The following TENM4 variants were observed in gnomAD, a reference collection of about 807,000 sequenced individuals.
TENM4 encodes the protein teneurin transmembrane protein 4.
TENM4 carries 82 observed loss-of-function variants against 243.3 expected under a neutral mutation model. That is an observed-to-expected ratio of 0.34 (90% CI 0.28 to 0.40). The LOEUF is 0.40. Among genes scored for constraint, TENM4 ranks in the 10% least tolerant of loss-of-function variants. The pLI is 1.00. For synonymous variants in TENM4, 1,412 were observed against 1,456.3 expected (o/e 0.97, Z 0.69); for missense variants, 3,138 against 3,673.3 (o/e 0.85, Z 3.77).
chr11:78,761,397 AC>A (rs1383705164), intron 18 of TENM4, among the ~76,000 whole-genome samples: 8 of 151,814 alleles, frequency 5.3e-5, no homozygotes, highest in Admixed American at 3.3e-4. Flanking sequence ...CTGCCACCAC[AC>A]CCAGCTAATT....
At chr11:79,103,494 C>T (rs1261319276) in intron 4 of TENM4, among the ~76,000 whole-genome samples, 3 of 152,116 alleles carry the variant, frequency 2.0e-5, no homozygotes, top group African/African-American at 4.8e-5. Flanking sequence ...TGGACTTCCA[C>T]CAAGGCCCTT....
At chr11:79,142,237 G>A (rs1259482262) in intron 4 of TENM4, among the ~76,000 whole-genome samples, 2 of 151,958 alleles carry the variant, frequency 1.3e-5, no homozygotes, top group African/African-American at 4.8e-5. Context: ...AAAAGCTAAA[G>A]ACTCCATCAA....
intron 4 of TENM4, among the ~76,000 whole-genome samples, chr11:79,104,673 T>C (rs1353514839): frequency 6.6e-6 from 1 of 152,234 alleles, no homozygotes. Context: ...AATGAGCATC[T>C]TGCTGCAAAT....
At chr11:79,420,043 A>C (rs1349266841) in intron 1 of TENM4, among the ~76,000 whole-genome samples, 1 of 152,182 alleles carries the variant, frequency 6.6e-6, no homozygotes, top group Non-Finnish European at 1.5e-5. Context: ...GACAGATTTA[A>C]ATATTTTGAA....
At chr11:78,754,200 C>T (rs1565364627) in intron 19 of TENM4, among the ~76,000 whole-genome samples, 1 of 152,224 alleles carries the variant, frequency 6.6e-6, no homozygotes, top group Non-Finnish European at 1.5e-5. Context: ...AGCTATGTAT[C>T]TAGAGCGGCA....
intron 2 of TENM4, among the ~76,000 whole-genome samples, chr11:79,284,125 T>A (rs191001332): frequency 6.6e-6 from 1 of 152,346 alleles, no homozygotes; most frequent in East Asian, 1.9e-4. Context: ...GATAAAAATA[T>A]TCCCCAAATT....
chr11:79,087,503 A>G (rs1860835899), intron 4 of TENM4, among the ~76,000 whole-genome samples: 1 of 152,230 alleles, frequency 6.6e-6, no homozygotes, highest in Non-Finnish European at 1.5e-5. Flanking sequence ...CAAGTCCTGC[A>G]TGAACTTGTA....
intron 6 of TENM4, among the ~76,000 whole-genome samples, chr11:78,988,029 C>T (rs184350510): frequency 1.8e-4 from 28 of 152,290 alleles, no homozygotes; most frequent in Non-Finnish European, 2.9e-4. Context: ...CTGATATTCA[C>T]GCCCTTGTAT....
chr11:79,398,014 G>A (rs1858380645), intron 1 of TENM4, among the ~76,000 whole-genome samples: 1 of 152,122 alleles, frequency 6.6e-6, no homozygotes, highest in Non-Finnish European at 1.5e-5. Flanking sequence ...AAAAATTAAG[G>A]TTCAGAAAGA....
intron 4 of TENM4, among the ~76,000 whole-genome samples, chr11:79,100,992 G>A (rs1861216500): frequency 6.6e-6 from 1 of 152,068 alleles, no homozygotes; most frequent in Admixed American, 6.5e-5. Flanking sequence ...GGGCTGGACT[G>A]GGGAGAGTGC....
chr11:79,303,266 T>A (rs994462034), intron 1 of TENM4, among the ~76,000 whole-genome samples: 1 of 152,224 alleles, frequency 6.6e-6, no homozygotes, highest in Non-Finnish European at 1.5e-5. Context: ...GGCTATGGAA[T>A]CAGAGTTTGG....
chr11:78,885,568 T>C (rs1855532094), intron 9 of TENM4, among the ~76,000 whole-genome samples: 1 of 152,194 alleles, frequency 6.6e-6, no homozygotes, highest in African/African-American at 2.4e-5. Flanking sequence ...CCTGTAAATG[T>C]ATCTGTAATT....
At chr11:79,160,176 T>C (rs555667131) in intron 3 of TENM4, among the ~76,000 whole-genome samples, 73 of 152,240 alleles carry the variant, frequency 4.8e-4, no homozygotes, top group Non-Finnish European at 7.2e-4. Context: ...GGGCCATTAG[T>C]CCTCCCTCCC....
In TENM4 at chr11:79,159,677, C is replaced by A. The variant is rs549841294; in HGVS notation, c.-162-10871G>T. The stretch of plus-strand genomic sequence containing the variant: ...GCCTCTAGGTAGATAGAGCTCCAGT[C>A]CTGCCCTACAACCCCAGTCTTGCTG... On this transcript the variant is annotated intron_variant, in intron 3 of 33. Transcript: ENST00000278550. Among the ~76,000 whole-genome samples, 3 of 152,266 alleles carry A rather than the reference C, an allele frequency of 2.0e-5. No individual in the cohort carries two copies. In the East Asian group the frequency reaches 5.8e-4, roughly 29 times the overall value.
chr11:78,853,133 T>C (rs773889820), intron 12 of TENM4, among the ~76,000 whole-genome samples: 2 of 152,180 alleles, frequency 1.3e-5, no homozygotes, highest in Non-Finnish European at 2.9e-5. Flanking sequence ...AGTTTTCAGG[T>C]GAACTCCAGA....
At chr11:79,103,820 C>A (rs1322879171) in intron 4 of TENM4, among the ~76,000 whole-genome samples, 2 of 152,190 alleles carry the variant, frequency 1.3e-5, no homozygotes, top group Non-Finnish European at 2.9e-5. Flanking sequence ...CCTCTGCTCC[C>A]CACTCGCTGT....
Position 79,359,791 on chromosome 11 carries a change from A to G in TENM4, c.-320-62248T>C, listed in dbSNP as rs569581392. 8.5e-5 allele frequency among the ~76,000 whole-genome samples: 13 copies of G among 152,312 alleles called. No individual in the cohort carries two copies. In the South Asian group the frequency reaches 2.5e-3, roughly 29 times the overall value. On this transcript the variant is annotated intron_variant, in intron 1 of 33. Transcript: ENST00000278550. ...ATCAGAGGCCTGGAAAGCCATGATT[A>G]TCAGGCAGCTTATGAGGTGGTATCC...
intron 6 of TENM4, among the ~76,000 whole-genome samples, chr11:78,937,477 G>T (rs1354819459): frequency 6.6e-6 from 1 of 152,170 alleles, no homozygotes; most frequent in African/African-American, 2.4e-5. Context: ...GAGAACTCCT[G>T]TAGCAAGGAA....
intron 6 of TENM4, among the ~76,000 whole-genome samples, chr11:78,961,131 T>C (rs1857311918): frequency 6.6e-6 from 1 of 152,238 alleles, no homozygotes; most frequent in South Asian, 2.1e-4. Flanking sequence ...GCCTCCTTTT[T>C]CAGAATCTGG....
Sources: allele counts gnomAD v4.1 joint callset (sites outside exome capture counted in the v4.1 genomes callset), GRCh38; gene constraint gnomAD v4.1.1; transcripts MANE v1.5; gene names NCBI Gene and HGNC (gene_info 2026-07-23, HGNC 2026-07-21).